Variants in ARHGAP22 observed in about 807,000 individuals in gnomAD.
ARHGAP22 encodes Rho GTPase activating protein 22, also known as rho GTPase-activating protein 22.
ARHGAP22 carries 48 observed loss-of-function variants against 59.1 expected under a neutral mutation model. The observed-to-expected ratio is 0.81, with a 90% CI of 0.64 to 1.03. ARHGAP22 has a LOEUF of 1.03. Ranked by LOEUF, ARHGAP22 falls within the 50% of genes least tolerant of loss-of-function variation. The pLI is 0.00. For synonymous variants in ARHGAP22, 445 were observed against 416.4 expected (o/e 1.07, Z -0.84); for missense variants, 1,015 against 958.7 (o/e 1.06, Z -0.78).
At chr10:48,492,048 C>T (rs560315869) in intron 3 of ARHGAP22, among the ~76,000 whole-genome samples, 243 of 152,094 alleles carry the variant, frequency 1.6e-3, no homozygotes, top group African/African-American at 5.7e-3. Flanking sequence ...GGGGGAGGCT[C>T]GAAAATGCAG....
At chr10:48,572,141 A>G (rs1455522369) in intron 2 of ARHGAP22, among the ~76,000 whole-genome samples, 1 of 152,044 alleles carries the variant, frequency 6.6e-6, no homozygotes, top group Non-Finnish European at 1.5e-5. Context: ...AACTGACTTT[A>G]TGGCAATAAG....
intron 2 of ARHGAP22, among the ~76,000 whole-genome samples, chr10:48,558,354 T>TTGTTTTGTTTTG (rs1554912056): frequency 1.6e-3 from 244 of 150,786 alleles, no homozygotes; most frequent in African/African-American, 3.9e-3. Context: ...TTTTTTTGTT[T>TTGTTTTGTTTTG]TTTTGTTTTG....
At chr10:48,541,245 C>T (rs2135117016) in intron 3 of ARHGAP22, among the ~76,000 whole-genome samples, 1 of 152,230 alleles carries the variant, frequency 6.6e-6, no homozygotes, top group East Asian at 1.9e-4. Context: ...TCATTCAACC[C>T]CCACCTACTA....
At position 48,541,250 on chromosome 10, in the gene ARHGAP22, C is replaced by T. The variant is rs145162819; in HGVS notation, c.322+14213G>A. 3.3e-3 allele frequency among the ~76,000 whole-genome samples: 506 copies of T among 152,296 alleles called. 3 individuals are homozygous for T. Among genetic ancestry groups the T allele is most frequent in the Middle Eastern group, 6.8e-3 (2 of 294 alleles). ...GTGACCTGGGTCATTCAACCCCCAC[C>T]TACTAATCCCCTGCCACATTCCTCC... On this transcript the variant is annotated intron_variant, in intron 3 of 9. Transcript: ENST00000249601.
chr10:48,504,989 G>A (rs2051939620), intron 3 of ARHGAP22, among the ~76,000 whole-genome samples: 2 of 152,142 alleles, frequency 1.3e-5, no homozygotes, highest in South Asian at 2.1e-4. Context: ...AGCAAGCAAT[G>A]GGGAGAGGGG....
chr10:48,616,793 G>C (rs1322332567), intron 1 of ARHGAP22, among the ~76,000 whole-genome samples: 2 of 152,088 alleles, frequency 1.3e-5, no homozygotes, highest in African/African-American at 2.4e-5. Context: ...AATTGAGACA[G>C]TTAATTGCTA....
intron 3 of ARHGAP22, among the ~76,000 whole-genome samples, chr10:48,521,364 C>A (rs967193089): frequency 1.3e-5 from 2 of 152,180 alleles, no homozygotes; most frequent in Admixed American, 6.5e-5. Flanking sequence ...GTTTTAAAGG[C>A]GTGATGATGA....
At chr10:48,475,763 C>T (rs2048660923) in intron 4 of ARHGAP22, among the ~76,000 whole-genome samples, 1 of 152,212 alleles carries the variant, frequency 6.6e-6, no homozygotes, top group African/African-American at 2.4e-5. Flanking sequence ...TTGGTCTTTC[C>T]TCAACATGAC....
the ARHGAP22 span, among the ~76,000 whole-genome samples, chr10:48,433,239 TAAC>T: frequency 6.6e-6 from 1 of 152,224 alleles, no homozygotes; most frequent in Non-Finnish European, 1.5e-5. Flanking sequence ...ATTAAAAAGT[TAAC>T]AATGCATTTA....
intron 3 of ARHGAP22, among the ~76,000 whole-genome samples, chr10:48,539,158 CA>C (rs2055663213): frequency 6.6e-6 from 1 of 152,160 alleles, no homozygotes; most frequent in East Asian, 1.9e-4. Flanking sequence ...GCTCATGATC[CA>C]GATAACATCA....
the ARHGAP22 span, chr10:48,435,956 T>C: frequency 6.6e-6 from 1 of 152,256 alleles, no homozygotes; most frequent in Non-Finnish European, 1.5e-5. Context: ...TAGAGTCTGG[T>C]CTTTCCCTTT....
intron 3 of ARHGAP22, among the ~76,000 whole-genome samples, chr10:48,499,302 T>C (rs1462306909): frequency 6.6e-6 from 1 of 152,260 alleles, no homozygotes; most frequent in Non-Finnish European, 1.5e-5. Flanking sequence ...CCCACATAGC[T>C]GCACCACCTC....
At chr10:48,476,611 C>T (rs1403966226) in intron 4 of ARHGAP22, among the ~76,000 whole-genome samples, 1 of 152,338 alleles carries the variant, frequency 6.6e-6, no homozygotes. Flanking sequence ...TTCCTCTGTA[C>T]TCCCGGGAGA....
intron 3 of ARHGAP22, among the ~76,000 whole-genome samples, chr10:48,481,143 G>A (rs2049276806): frequency 6.6e-6 from 1 of 152,234 alleles, no homozygotes; most frequent in African/African-American, 2.4e-5. Flanking sequence ...GAGGTCGGTA[G>A]GAAGGAAGCT....
At chr10:48,647,119 C>T (rs1051026603) in intron 1 of ARHGAP22, among the ~76,000 whole-genome samples, 3 of 152,242 alleles carry the variant, frequency 2.0e-5, no homozygotes, top group Non-Finnish European at 4.4e-5. Flanking sequence ...ACAGGCTGGG[C>T]TTGGTGGTTT....
intron 2 of ARHGAP22, among the ~76,000 whole-genome samples, chr10:48,563,373 T>G (rs1178580712): frequency 1.3e-5 from 2 of 152,044 alleles, no homozygotes; most frequent in Non-Finnish European, 2.9e-5. Context: ...TTTTGTATTT[T>G]TAGTGGAGAT....
At chr10:48,482,487 A>C (rs1447933266) in intron 3 of ARHGAP22, among the ~76,000 whole-genome samples, 1 of 152,184 alleles carries the variant, frequency 6.6e-6, no homozygotes, top group East Asian at 1.9e-4. Flanking sequence ...CTCAAATACC[A>C]TGTTGAATAG....
chr10:48,516,335 G>A (rs11101360), intron 3 of ARHGAP22, among the ~76,000 whole-genome samples: 147 of 152,150 alleles, frequency 9.7e-4, no homozygotes, highest in African/African-American at 3.3e-3. Context: ...GACGAGCTTG[G>A]GCAACACAAT....
chr10:48,631,187 C>T (rs562703080), intron 1 of ARHGAP22, among the ~76,000 whole-genome samples: 182 of 152,102 alleles, frequency 1.2e-3, no homozygotes, highest in Admixed American at 4.4e-3. Flanking sequence ...TCTTTTTATA[C>T]ATTATTGGAT....
Sources: allele counts gnomAD v4.1 joint callset (sites outside exome capture counted in the v4.1 genomes callset), GRCh38; gene constraint gnomAD v4.1.1; transcripts MANE v1.5; gene names NCBI Gene and HGNC (gene_info 2026-07-23, HGNC 2026-07-21).